Variants in MAGI2 observed in about 807,000 individuals in gnomAD.
The protein encoded by MAGI2 is membrane-associated guanylate kinase, WW and PDZ domain-containing protein 2.
A neutral mutation model predicts 133.3 loss-of-function variants in MAGI2; 35 were observed. The observed-to-expected ratio is 0.26, with a 90% CI of 0.20 to 0.35. MAGI2 has a LOEUF of 0.35. MAGI2 is among the 10% of genes least tolerant of loss of function. The probability of loss-of-function intolerance (pLI) is 1.00; values close to 1 mark genes in which losing one functional copy is unlikely to be tolerated. For synonymous variants in MAGI2, 729 were observed against 710.6 expected (o/e 1.03, Z -0.41); for missense variants, 1,636 against 1,863.4 (o/e 0.88, Z 2.25).
chr7:79,031,571 A>T (rs1463614359), intron 1 of MAGI2, among the ~76,000 whole-genome samples: 1 of 152,190 alleles, frequency 6.6e-6, no homozygotes, highest in Non-Finnish European at 1.5e-5. Context: ...AAGGGCAATT[A>T]GCAAGTATTC....
chr7:78,042,372 G>T (rs925449023), intron 21 of MAGI2, among the ~76,000 whole-genome samples: 7 of 152,232 alleles, frequency 4.6e-5, no homozygotes, highest in Non-Finnish European at 1.0e-4. Flanking sequence ...GCCAACATGG[G>T]TGGGCTGCTA....
At chr7:79,430,333 A>C (rs1274135231) in intron 1 of MAGI2, among the ~76,000 whole-genome samples, 1 of 152,188 alleles carries the variant, frequency 6.6e-6, no homozygotes, top group Non-Finnish European at 1.5e-5. Context: ...TCACAAAGTC[A>C]GCATATAATT....
chr7:78,840,098 T>A (rs529135103), intron 2 of MAGI2, among the ~76,000 whole-genome samples: 12 of 152,184 alleles, frequency 7.9e-5, no homozygotes, highest in Admixed American at 2.0e-4. Context: ...AATTTTTTTT[T>A]AAATTTAGGT....
chr7:78,371,458 G>A (rs954291098), intron 6 of MAGI2, among the ~76,000 whole-genome samples: 15 of 151,884 alleles, frequency 9.9e-5, no homozygotes, highest in Admixed American at 1.3e-4. Context: ...AAAGCCTAAC[G>A]TAGTTAACTT....
chr7:78,447,842 TACCC>T (rs1434300797), intron 6 of MAGI2, among the ~76,000 whole-genome samples: 1 of 152,134 alleles, frequency 6.6e-6, no homozygotes, highest in Non-Finnish European at 1.5e-5. Context: ...TAACCATAGT[TACCC>T]ACTGTGCAGT....
At chr7:79,068,638 ATTTG>A (rs993319385) in intron 1 of MAGI2, among the ~76,000 whole-genome samples, 3 of 151,686 alleles carry the variant, frequency 2.0e-5, no homozygotes, top group African/African-American at 4.8e-5. Context: ...TAGCTTTTGA[ATTTG>A]TTTGCTCTTA....
At chr7:79,212,538 TCTG>T (rs1482074719) in intron 1 of MAGI2, among the ~76,000 whole-genome samples, 1 of 152,076 alleles carries the variant, frequency 6.6e-6, no homozygotes, top group African/African-American at 2.4e-5. Flanking sequence ...TTGTTGTTAA[TCTG>T]ATAGAAAAAA....
intron 1 of MAGI2, among the ~76,000 whole-genome samples, chr7:79,186,738 T>C (rs908734486): frequency 1.6e-5 from 2 of 126,724 alleles, no homozygotes; most frequent in African/African-American, 5.5e-5. Flanking sequence ...AGTATATATA[T>C]ATTTATACAA....
At chr7:78,940,356 T>C (rs1800867810) in intron 2 of MAGI2, 1 of 152,192 alleles carries the variant, frequency 6.6e-6, no homozygotes, top group African/African-American at 2.4e-5. Flanking sequence ...TATTTATCTA[T>C]GTCTGCTTGT....
At chr7:78,506,703 T>A (rs1325434486) in intron 4 of MAGI2, among the ~76,000 whole-genome samples, 1 of 152,218 alleles carries the variant, frequency 6.6e-6, no homozygotes, top group Non-Finnish European at 1.5e-5. Context: ...TAGAACCGAA[T>A]GATGTGCAGA....
At chr7:78,495,002 T>C (rs1468608528) in intron 5 of MAGI2, among the ~76,000 whole-genome samples, 2 of 152,174 alleles carry the variant, frequency 1.3e-5, no homozygotes, top group Non-Finnish European at 1.5e-5. Flanking sequence ...CAGGTAAATA[T>C]TCTGGAGTCA....
chr7:79,005,085 G>GAA (rs965503054), intron 2 of MAGI2, among the ~76,000 whole-genome samples: 13 of 85,102 alleles, frequency 1.5e-4, no homozygotes, highest in South Asian at 3.6e-4. Context: ...TCCATCTCAA[G>GAA]AAAAAAAAAA....
chr7:78,158,258 TG>T (rs1824591428), intron 16 of MAGI2: 1 of 152,154 alleles, frequency 6.6e-6, no homozygotes, highest in South Asian at 2.1e-4. Flanking sequence ...CCCAACATTT[TG>T]GGCCAAATCA....
At chr7:79,448,667 T>C (rs1209761994) in intron 1 of MAGI2, among the ~76,000 whole-genome samples, 1 of 152,120 alleles carries the variant, frequency 6.6e-6, no homozygotes, top group Admixed American at 6.5e-5. Context: ...CTGAGGAAAA[T>C]GATTCTGCCA....
chr7:78,334,457 C>T (rs1789542731), intron 9 of MAGI2, among the ~76,000 whole-genome samples: 1 of 152,172 alleles, frequency 6.6e-6, no homozygotes, highest in African/African-American at 2.4e-5. Context: ...ACATCCTAGA[C>T]TTATTCCCAG....
intron 6 of MAGI2, among the ~76,000 whole-genome samples, chr7:78,461,916 CAAAAAAAAAAAAAAAAAA>C (rs55811983): frequency 3.3e-5 from 1 of 30,538 alleles, no homozygotes; most frequent in African/African-American, 1.1e-4. Context: ...AATTCCGTCT[CAAAAAAAAAAAAAAAAAA>C]AAAAAAAAAA....
chr7:78,158,567 T>C (rs1288277174), intron 16 of MAGI2, among the ~76,000 whole-genome samples: 1 of 152,168 alleles, frequency 6.6e-6, no homozygotes, highest in Non-Finnish European at 1.5e-5. Context: ...CCGAGGAAAC[T>C]ATGACAGTGG....
intron 6 of MAGI2, among the ~76,000 whole-genome samples, chr7:78,448,418 C>G (rs1462617446): frequency 6.6e-6 from 1 of 152,032 alleles, no homozygotes; most frequent in Non-Finnish European, 1.5e-5. Context: ...TCCTCTTTCT[C>G]CACAACCACA....
chr7:78,396,011 A>G (rs920355205), intron 6 of MAGI2, among the ~76,000 whole-genome samples: 1 of 152,196 alleles, frequency 6.6e-6, no homozygotes, highest in Non-Finnish European at 1.5e-5. Context: ...CAGAAACCAC[A>G]TGTTTGTCAT....
Sources: allele counts gnomAD v4.1 joint callset (sites outside exome capture counted in the v4.1 genomes callset), GRCh38; gene constraint gnomAD v4.1.1; transcripts MANE v1.5; gene names NCBI Gene and HGNC (gene_info 2026-07-23, HGNC 2026-07-21).